The following STPG2 variants were observed in gnomAD, a reference collection of about 807,000 sequenced individuals.
STPG2 encodes the protein sperm tail PG-rich repeat containing 2.
A neutral mutation model predicts 54.2 loss-of-function variants in STPG2; 56 were observed. The ratio of observed to expected loss-of-function variants is 1.03; its 90% CI spans 0.83 to 1.29. STPG2 has a LOEUF of 1.29. Among genes scored for constraint, STPG2 ranks in the 50% most tolerant of loss-of-function variants. The pLI, the probability that STPG2 is intolerant of heterozygous loss-of-function variation, is 0.00. For synonymous variants in STPG2, 200 were observed against 181.8 expected (o/e 1.10, Z -0.81); for missense variants, 596 against 544.9 (o/e 1.09, Z -0.93).
chr4:97,512,233 G>C (rs1730988585), intron 4 of STPG2, among the ~76,000 whole-genome samples: 1 of 152,012 alleles, frequency 6.6e-6, no homozygotes, highest in South Asian at 2.1e-4. Context: ...TAAACTAGAG[G>C]ATATAAGAAT....
chr4:98,034,589 A>C (rs1736709927), intron 5 of STPG2, among the ~76,000 whole-genome samples: 1 of 152,204 alleles, frequency 6.6e-6, no homozygotes, highest in African/African-American at 2.4e-5. Context: ...ACAGAACTGG[A>C]AAAAACTACT....
At chr4:97,968,853 G>GGCTGCCAGAATGA (rs1734213691) in intron 7 of STPG2, among the ~76,000 whole-genome samples, 1 of 152,146 alleles carries the variant, frequency 6.6e-6, no homozygotes, top group East Asian at 1.9e-4. Context: ...TGCCAGGCTG[G>GGCTGCCAGAATGA]GCTGCCAGAA....
chr4:97,634,243 A>G (rs1721417955), intron 10 of STPG2, among the ~76,000 whole-genome samples: 1 of 152,136 alleles, frequency 6.6e-6, no homozygotes, highest in Admixed American at 6.5e-5. Context: ...CTGACACCTC[A>G]CACTTCAGGG....
intron 4 of STPG2, among the ~76,000 whole-genome samples, chr4:97,521,941 C>A (rs78405377): frequency 0.017 from 2,616 of 151,814 alleles, 67 homozygotes; most frequent in African/African-American, 0.059. Flanking sequence ...AAGATACTGT[C>A]TCTTAAAAAA....
chr4:98,057,803 G>C (rs1036034850), intron 5 of STPG2, among the ~76,000 whole-genome samples: 2 of 152,136 alleles, frequency 1.3e-5, no homozygotes. Context: ...GGCAGCTAGA[G>C]AGAAAAGTCA....
intron 10 of STPG2, among the ~76,000 whole-genome samples, chr4:97,642,906 TA>T (rs1166317292): frequency 5.9e-5 from 9 of 151,320 alleles, no homozygotes; most frequent in Non-Finnish European, 1.3e-4. Context: ...AATTGCCAAA[TA>T]AATTCAAAAG....
At chr4:97,969,165 T>C (rs1734227882) in intron 7 of STPG2, among the ~76,000 whole-genome samples, 1 of 152,218 alleles carries the variant, frequency 6.6e-6, no homozygotes, top group Non-Finnish European at 1.5e-5. Flanking sequence ...TCAGGTCCTG[T>C]ATCTATGGAT....
chr4:97,986,746 A>C (rs1734843228), intron 5 of STPG2, among the ~76,000 whole-genome samples: 1 of 152,120 alleles, frequency 6.6e-6, no homozygotes, highest in Non-Finnish European at 1.5e-5. Flanking sequence ...TTGGCAATAT[A>C]TTTTTCCTAG....
chr4:97,958,179 G>T (rs533817887), intron 7 of STPG2, among the ~76,000 whole-genome samples: 2 of 151,874 alleles, frequency 1.3e-5, no homozygotes, highest in Non-Finnish European at 2.9e-5. Context: ...GTGTGATGGT[G>T]AGTGCCTCTA....
intron 8 of STPG2, among the ~76,000 whole-genome samples, chr4:97,919,178 G>T (rs1261721251): frequency 6.6e-6 from 1 of 151,896 alleles, no homozygotes; most frequent in African/African-American, 2.4e-5. Context: ...AACAGAATTT[G>T]TAGAATTCAG....
At chr4:97,504,408 T>C (rs1730802316) in intron 4 of STPG2, among the ~76,000 whole-genome samples, 1 of 151,492 alleles carries the variant, frequency 6.6e-6, no homozygotes, top group Admixed American at 6.6e-5. Context: ...TGCAATTAAA[T>C]AAACTTTATA....
chr4:97,858,146 A>G (rs1262513694), intron 8 of STPG2, among the ~76,000 whole-genome samples: 2 of 152,172 alleles, frequency 1.3e-5, no homozygotes, highest in African/African-American at 2.4e-5. Flanking sequence ...TGATAATGTC[A>G]GAGAACTTTC....
At chr4:98,131,101 A>T (rs944036719) in intron 2 of STPG2, among the ~76,000 whole-genome samples, 1 of 152,040 alleles carries the variant, frequency 6.6e-6, no homozygotes, top group African/African-American at 2.4e-5. Flanking sequence ...TTTTTTCTGC[A>T]CATAAAGTGG....
intron 3 of STPG2, among the ~76,000 whole-genome samples, chr4:98,114,835 G>A (rs1739470656): frequency 1.3e-5 from 2 of 151,160 alleles, no homozygotes; most frequent in Non-Finnish European, 2.9e-5. Context: ...GAATTGACAA[G>A]TACTTAACTC....
chr4:98,139,976 C>T (rs992450732), intron 1 of STPG2, among the ~76,000 whole-genome samples: 2 of 152,164 alleles, frequency 1.3e-5, no homozygotes, highest in African/African-American at 2.4e-5. Flanking sequence ...AAGCAGCTCA[C>T]ATTTTAGTGG....
At chr4:97,847,623 T>C (rs1187626204) in intron 8 of STPG2, among the ~76,000 whole-genome samples, 1 of 152,212 alleles carries the variant, frequency 6.6e-6, no homozygotes, top group Non-Finnish European at 1.5e-5. Flanking sequence ...ACCTAATTCC[T>C]GCAGCATAAC....
chr4:97,619,592 C>T (rs1056760896), intron 10 of STPG2, among the ~76,000 whole-genome samples: 17 of 146,814 alleles, frequency 1.2e-4, no homozygotes, highest in African/African-American at 4.3e-4. Context: ...CTGATAAAAA[C>T]AATTGTACCC....
Position 98,030,003 on chromosome 4 carries a change from G to A in STPG2, c.613-48685C>T, listed in dbSNP as rs1000126747. Reference sequence around the variant, plus strand: ...ATGGCAACTTGTCTTTCACCTTGGAGGGGATATTTTGACATTATCCAGGCC... The same window carrying A: ...ATGGCAACTTGTCTTTCACCTTGGAAGGGATATTTTGACATTATCCAGGCC... On this transcript the variant is annotated intron_variant, in intron 5 of 10. Transcript: ENST00000295268. 3.3e-5 allele frequency among the ~76,000 whole-genome samples: 5 copies of A among 152,114 alleles called. No individual in the cohort carries two copies. The East Asian group carries it at 7.7e-4, about 23-fold the overall frequency.
chr4:98,099,332 G>A (rs1431736360), intron 5 of STPG2, among the ~76,000 whole-genome samples: 1 of 152,092 alleles, frequency 6.6e-6, no homozygotes, highest in Non-Finnish European at 1.5e-5. Context: ...TGGAACTGGA[G>A]GTCATTATGT....
Sources: allele counts gnomAD v4.1 joint callset (sites outside exome capture counted in the v4.1 genomes callset), GRCh38; gene constraint gnomAD v4.1.1; transcripts MANE v1.5; gene names NCBI Gene and HGNC (gene_info 2026-07-23, HGNC 2026-07-21).